PCLO: variants seen among roughly 807,000 people sequenced by gnomAD.
PCLO encodes the protein piccolo presynaptic cytomatrix protein.
In PCLO, 82 loss-of-function variants were observed where a neutral mutation model predicts 427.5. The ratio of observed to expected loss-of-function variants is 0.19; its 90% CI spans 0.16 to 0.23. The LOEUF (loss-of-function observed/expected upper bound fraction) is 0.23. Ranked by LOEUF, PCLO falls within the 10% of genes least tolerant of loss-of-function variation. The pLI is 1.00. For synonymous variants in PCLO, 2,357 were observed against 2,155.4 expected, an observed-to-expected ratio of 1.09 and a Z score of -2.59; for missense variants, 6,239 against 6,115.9, an observed-to-expected ratio of 1.02 and a Z score of -0.67.
At chr7:83,050,600 T>C (rs1013757593) in intron 3 of PCLO, among the ~76,000 whole-genome samples, 3 of 152,010 alleles carry the variant, frequency 2.0e-5, no homozygotes, top group East Asian at 1.9e-4. Flanking sequence ...CAACCAATTG[T>C]TGGATTTATC....
At position 82,956,651 on chromosome 7, in the gene PCLO, C is replaced by A; in HGVS notation, c.4302G>T (p.Lys1434Asn). ...GAGAAACTTCATGGGGTTGTGTTTT[C>A]TTTTCTGACTTTTCATCAGCAAGTG... ...ASTLADEKSE[K>N]KTQPHEVSPE... is the part of the protein sequence containing the mutation. Residue 1434 changes from lysine to asparagine, a missense_variant, in exon 5 of 25, where the codon AAG (lysine) becomes AAT (asparagine). By Grantham distance (94) the Lys-to-Asn change is moderately conservative. Around this residue, in one of 5 missense-constraint regions of PCLO, gnomAD observed 4,677 missense variants for 4,468.4 expected, o/e 1.05. Transcript: ENST00000333891. 1 of 1,613,788 alleles carries A rather than the reference C, an allele frequency of 6.2e-7. No homozygotes were observed. The highest frequency in any genetic ancestry group is 8.5e-7 in the Non-Finnish European group (1 of 1,179,838).
At chr7:83,095,345 T>C (rs116560540) in intron 3 of PCLO, among the ~76,000 whole-genome samples, 3,723 of 152,134 alleles carry the variant, frequency 0.024, 153 homozygotes, top group African/African-American at 0.084. Context: ...TTTCTTGTCT[T>C]GCTACAGATT....
In PCLO at chr7:83,156,291, T is replaced by G; in HGVS notation, c.350A>C (p.Asp117Ala). The G allele has an allele frequency of 6.2e-7, 1 of 1,613,528 alleles. No individual in the cohort carries two copies. The highest frequency in any genetic ancestry group is 2.2e-5 in the East Asian group (1 of 44,840). Reference sequence around the variant, plus strand: ...CAATTTCTGCTCTGACCTGAAAGTGTCTGTAGTTCTACTTTTACTGAGACC... The same window carrying G: ...CAATTTCTGCTCTGACCTGAAAGTGGCTGTAGTTCTACTTTTACTGAGACC... ...QPGLSKSRTT[D>A]TFRSEQKLPG... The change falls in exon 2 of 25, where the codon GAC becomes GCC. Residue 117 changes from aspartate to alanine, a missense_variant. Asp to Ala is a moderately radical substitution (Grantham distance 126). Coordinates refer to ENST00000333891, the MANE Select transcript of PCLO (RefSeq NM_033026.6).
intron 10 of PCLO, among the ~76,000 whole-genome samples, chr7:82,861,822 T>G (rs779559378): frequency 6.6e-6 from 1 of 151,966 alleles, no homozygotes; most frequent in Non-Finnish European, 1.5e-5. Flanking sequence ...ACCAGAGGAA[T>G]TTTGGAAAGT....
chr7:82,960,334 T>C (rs1795628654), intron 4 of PCLO, among the ~76,000 whole-genome samples: 2 of 152,324 alleles, frequency 1.3e-5, no homozygotes, highest in Admixed American at 1.3e-4. Flanking sequence ...TGCTCTCATC[T>C]AAGCACTATA....
chr7:83,086,217 T>C (rs1311083873), intron 3 of PCLO, among the ~76,000 whole-genome samples: 2 of 152,026 alleles, frequency 1.3e-5, no homozygotes, highest in East Asian at 3.9e-4. Flanking sequence ...CTCAAGCGAT[T>C]CTCTTGCCTC....
At chr7:83,001,612 A>G (rs1787826391) in intron 3 of PCLO, among the ~76,000 whole-genome samples, 1 of 151,892 alleles carries the variant, frequency 6.6e-6, no homozygotes, top group East Asian at 1.9e-4. Flanking sequence ...GAACAAAACC[A>G]TTTGTATTTC....
intron 22 of PCLO, among the ~76,000 whole-genome samples, chr7:82,786,442 ATTAG>A (rs1319473438): frequency 2.6e-5 from 4 of 152,204 alleles, no homozygotes; most frequent in African/African-American, 7.2e-5. Context: ...ATTATTCTTA[ATTAG>A]TTAAACAATT....
chr7:83,086,107 C>CA (rs1158938392), intron 3 of PCLO, among the ~76,000 whole-genome samples: 2 of 109,960 alleles, frequency 1.8e-5, no homozygotes, highest in African/African-American at 6.9e-5. Context: ...TCTTTCTTTC[C>CA]TTTTTTTTTC....
At chr7:83,133,370 T>A (rs769030745) in intron 3 of PCLO, among the ~76,000 whole-genome samples, 5 of 151,986 alleles carry the variant, frequency 3.3e-5, no homozygotes, top group Non-Finnish European at 5.9e-5. Context: ...TATTAAAACA[T>A]TGTTGTTACT....
chr7:82,930,520 A>G (rs1447609896), intron 6 of PCLO, among the ~76,000 whole-genome samples: 1 of 152,194 alleles, frequency 6.6e-6, no homozygotes, highest in Non-Finnish European at 1.5e-5. Context: ...AATAATACCA[A>G]ATTATCCAAG....
At chr7:82,787,339 G>A in intron 22 of PCLO, among the ~76,000 whole-genome samples, 1 of 152,086 alleles carries the variant, frequency 6.6e-6, no homozygotes, top group Middle Eastern at 3.2e-3. Flanking sequence ...AATGACCAGT[G>A]ATGATGAGTT....
At chr7:82,877,550 C>T (rs1166072715) in intron 10 of PCLO, among the ~76,000 whole-genome samples, 1 of 152,128 alleles carries the variant, frequency 6.6e-6, no homozygotes, top group African/African-American at 2.4e-5. Context: ...ACGCCAAGTA[C>T]TTTGCTTGTA....
At chr7:82,987,033 C>T (rs1796270700) in intron 3 of PCLO, among the ~76,000 whole-genome samples, 2 of 151,826 alleles carry the variant, frequency 1.3e-5, no homozygotes, top group African/African-American at 2.4e-5. Context: ...GAAGCATATG[C>T]CATTTCGTCA....
chr7:82,918,749 G>T (rs1269109914), intron 6 of PCLO, among the ~76,000 whole-genome samples: 1 of 151,978 alleles, frequency 6.6e-6, no homozygotes, highest in African/African-American at 2.4e-5. Flanking sequence ...TATTCTACAT[G>T]ATTATGATTA....
chr7:83,024,441 G>C (rs1032046610), intron 3 of PCLO, among the ~76,000 whole-genome samples: 1 of 152,196 alleles, frequency 6.6e-6, no homozygotes, highest in Non-Finnish European at 1.5e-5. Context: ...CCCGCACGTG[G>C]CTCGGAGGGT....
chr7:82,861,471 C>A (rs916340024), intron 10 of PCLO, among the ~76,000 whole-genome samples: 1 of 151,920 alleles, frequency 6.6e-6, no homozygotes, highest in Admixed American at 6.6e-5. Flanking sequence ...TATATATGCA[C>A]CCAACACTGG....
intron 10 of PCLO, among the ~76,000 whole-genome samples, chr7:82,869,123 G>T (rs992134960): frequency 1.3e-5 from 2 of 151,998 alleles, no homozygotes; most frequent in Non-Finnish European, 2.9e-5. Context: ...TAGAACCAAT[G>T]ATATGTATAT....
chr7:82,909,070 G>C, intron 7 of PCLO, 57 bp from the exon 8 acceptor site: 1 of 1,573,172 alleles, frequency 6.4e-7, no homozygotes. Context: ...AGATGATTGA[G>C]GGAAGCAGAT....
Sources: gnomAD v4.1 joint callset for allele counts (sites outside exome capture counted in the v4.1 genomes callset) on GRCh38, gnomAD v4.1.1 for gene constraint, gnomAD v4.1.1 regional missense constraint, MANE v1.5 for transcripts, NCBI Gene and HGNC (gene_info 2026-07-23, HGNC 2026-07-21) for gene names.